The following FCHSD2 variants were observed in gnomAD, a reference collection of about 807,000 sequenced individuals.
FCHSD2 encodes the protein FCH and double SH3 domains 2.
FCHSD2 carries 38 observed loss-of-function variants against 108.1 expected under a neutral mutation model. The ratio of observed to expected loss-of-function variants is 0.35; its 90% confidence interval spans 0.27 to 0.46. FCHSD2 has a LOEUF of 0.46. FCHSD2 is among the 20% of genes least tolerant of loss of function. The pLI is 1.00. For missense variants in FCHSD2, 751 were observed against 897.8 expected (o/e 0.84, Z 2.09); for synonymous variants, 279 against 314.7 (o/e 0.89, Z 1.20).
At chr11:73,108,311 G>A (rs1409696291) in intron 2 of FCHSD2, among the ~76,000 whole-genome samples, 1 of 152,122 alleles carries the variant, frequency 6.6e-6, no homozygotes, top group Non-Finnish European at 1.5e-5. Context: ...ACTAATCCCT[G>A]GTAAGATAAA....
In FCHSD2 at chr11:72,958,993, A is replaced by ATGTGTGTGTGTG. The variant is rs59339008; in HGVS notation, c.705+25083_705+25094dup. ...TATTACATATACTCATCAGTAAGAT[A>ATGTGTGTGTGTG]TGTGTGTGTGTGTGTGTGTGTGTGT... On this transcript the variant is annotated intron_variant, in intron 8 of 19. Transcript: ENST00000409418. Among the ~76,000 whole-genome samples the ATGTGTGTGTGTG allele has an allele frequency of 3.7e-3, 423 of 114,864 alleles. 2 individuals carry two copies. The highest frequency in any genetic ancestry group is 4.7e-3 in the Non-Finnish European group (255 of 54,420). The allele number at this position is 114,864 out of a possible 152,430, so 75.4% of individuals were successfully genotyped here. A position where few individuals can be genotyped will look rare whatever the true frequency, so the allele number is the denominator to read the frequency against.
At chr11:72,846,701 C>T (rs939929041) in intron 14 of FCHSD2, among the ~76,000 whole-genome samples, 2 of 152,142 alleles carry the variant, frequency 1.3e-5, no homozygotes, top group Admixed American at 6.5e-5. Context: ...ACCAGAGCTC[C>T]GTTTCCACCA....
intron 3 of FCHSD2, among the ~76,000 whole-genome samples, chr11:73,040,817 G>A (rs1023970528): frequency 6.6e-6 from 1 of 151,960 alleles, no homozygotes; most frequent in Non-Finnish European, 1.5e-5. Context: ...ATACTAAAAC[G>A]TATTCCTTCT....
chr11:73,093,431 T>G (rs569911157), intron 2 of FCHSD2, among the ~76,000 whole-genome samples: 2 of 152,020 alleles, frequency 1.3e-5, no homozygotes, highest in Non-Finnish European at 1.5e-5. Flanking sequence ...AACCTTGAAG[T>G]TGGTGTCAAA....
intron 8 of FCHSD2, chr11:72,940,510 C>A (rs754792612): frequency 1.2e-6 from 1 of 827,672 alleles, no homozygotes; most frequent in Admixed American, 1.8e-5. Flanking sequence ...GGGTGCATAC[C>A]CGCACATCCA....
At chr11:73,056,996 T>G (rs796886570) in intron 3 of FCHSD2, among the ~76,000 whole-genome samples, 48 of 152,132 alleles carry the variant, frequency 3.2e-4, no homozygotes, top group African/African-American at 1.1e-3. Flanking sequence ...GGCAGGAGAA[T>G]GGCGTGAACC....
intron 8 of FCHSD2, among the ~76,000 whole-genome samples, chr11:72,952,114 G>A (rs1405203313): frequency 1.3e-5 from 2 of 152,104 alleles, no homozygotes; most frequent in African/African-American, 2.4e-5. Flanking sequence ...GAGCACCCAT[G>A]AGTTTAATGC....
At chr11:72,909,376 G>A (rs1034987087) in intron 9 of FCHSD2, among the ~76,000 whole-genome samples, 9 of 152,052 alleles carry the variant, frequency 5.9e-5, no homozygotes, top group African/African-American at 9.7e-5. Context: ...GCGTGATCTC[G>A]GCTCGCTACA....
chr11:72,903,140 CTAAT>C (rs1256203463), intron 9 of FCHSD2, among the ~76,000 whole-genome samples: 1 of 152,168 alleles, frequency 6.6e-6, no homozygotes, highest in Non-Finnish European at 1.5e-5. Context: ...AGGTTACACT[CTAAT>C]TACCATCTTA....
Position 72,854,051 on chromosome 11 carries a change from A to G in FCHSD2, c.1309-4162T>C, listed in dbSNP as rs184717545. 2.6e-5 allele frequency among the ~76,000 whole-genome samples: 4 copies of G among 152,352 alleles called. No individual in the cohort carries two copies. In the East Asian group the frequency reaches 7.7e-4, roughly 29 times the overall value. On this transcript the variant is annotated intron_variant, in intron 13 of 19. Coordinates refer to ENST00000409418, the MANE Select transcript of FCHSD2 (RefSeq NM_014824.3). ...TTCACACCCATTAGGATGCTGTTATATATATTTTTAAAAACCCAGAAAATA... is the reference window on the plus strand; with the variant it reads ...TTCACACCCATTAGGATGCTGTTATGTATATTTTTAAAAACCCAGAAAATA...
At chr11:73,089,488 T>C (rs936614470) in intron 2 of FCHSD2, among the ~76,000 whole-genome samples, 1 of 152,196 alleles carries the variant, frequency 6.6e-6, no homozygotes, top group African/African-American at 2.4e-5. Flanking sequence ...AAATGAATGT[T>C]CACAGCAGCA....
chr11:73,060,183 C>T (rs761421815), intron 3 of FCHSD2, among the ~76,000 whole-genome samples: 6 of 152,162 alleles, frequency 3.9e-5, no homozygotes, highest in East Asian at 1.9e-4. Flanking sequence ...AATGCAGCCA[C>T]TAATTTAAAG....
Position 72,937,653 on chromosome 11 carries a change from T to C in FCHSD2, c.706-15703A>G, listed in dbSNP as rs115726258. On this transcript the variant is annotated intron_variant, in intron 8 of 19. Coordinates refer to ENST00000409418, the MANE Select transcript of FCHSD2 (RefSeq NM_014824.3). ...CCACCGCGCCTGGCCAAAATATTTTTTTAGAACCTACTCTGTGCCAAGAAC... is the reference window on the plus strand; with the variant it reads ...CCACCGCGCCTGGCCAAAATATTTTCTTAGAACCTACTCTGTGCCAAGAAC... Among the ~76,000 whole-genome samples the C allele has an allele frequency of 4.5e-3, 684 of 152,316 alleles. 1 individual carries two copies. The highest frequency in any genetic ancestry group is 0.015 in the African/African-American group (635 of 41,568).
chr11:72,997,126 G>A (rs1857533216), intron 5 of FCHSD2, among the ~76,000 whole-genome samples: 1 of 152,152 alleles, frequency 6.6e-6, no homozygotes, highest in Admixed American at 6.5e-5. Flanking sequence ...AGCAGGTGTT[G>A]GGTAAAATGC....
At chr11:73,006,363 A>G (rs1470680532) in intron 4 of FCHSD2, among the ~76,000 whole-genome samples, 2 of 152,148 alleles carry the variant, frequency 1.3e-5, no homozygotes, top group Non-Finnish European at 2.9e-5. Flanking sequence ...CAATCTATCT[A>G]TTCCATCTCA....
intron 4 of FCHSD2, among the ~76,000 whole-genome samples, chr11:73,005,635 ATTTTAT>A (rs1857724948): frequency 6.6e-6 from 1 of 151,988 alleles, no homozygotes; most frequent in South Asian, 2.1e-4. Context: ...TTAAATTTTT[ATTTTAT>A]TTTTATTATT....
intron 3 of FCHSD2, among the ~76,000 whole-genome samples, chr11:73,037,375 T>G (rs1858524181): frequency 6.6e-6 from 1 of 152,212 alleles, no homozygotes; most frequent in South Asian, 2.1e-4. Context: ...ATATCCATCA[T>G]TACAGTATCA....
intron 8 of FCHSD2, among the ~76,000 whole-genome samples, chr11:72,948,663 T>C (rs1008208950): frequency 3.6e-5 from 3 of 83,934 alleles, no homozygotes; most frequent in Non-Finnish European, 6.5e-5. Context: ...TTGTCATAAT[T>C]TTCATTTCTT....
intron 2 of FCHSD2, among the ~76,000 whole-genome samples, chr11:73,121,840 C>A (rs190789717): frequency 6.6e-6 from 1 of 152,228 alleles, no homozygotes; most frequent in East Asian, 1.9e-4. Context: ...GTTCCTGATG[C>A]AGGAGATTAG....
Sources: allele counts gnomAD v4.1 joint callset (sites outside exome capture counted in the v4.1 genomes callset), GRCh38; gene constraint gnomAD v4.1.1; transcripts MANE v1.5; gene names NCBI Gene and HGNC (gene_info 2026-07-23, HGNC 2026-07-21).